The following RASA3 variants were observed in gnomAD, a reference collection of about 807,000 sequenced individuals.
The protein encoded by RASA3 is RAS p21 protein activator 3.
A neutral mutation model predicts 110.0 loss-of-function variants in RASA3; 73 were observed. The ratio of observed to expected loss-of-function variants is 0.66; its 90% CI spans 0.55 to 0.81. The LOEUF is 0.81. Among genes scored for constraint, RASA3 ranks in the 30% least tolerant of loss-of-function variants. The pLI, the probability that RASA3 is intolerant of heterozygous loss-of-function variation, is 0.00. For missense variants in RASA3, 976 were observed against 1,113.2 expected (o/e 0.88, Z 1.75); for synonymous variants, 500 against 451.4 (o/e 1.11, Z -1.37).
intron 1 of RASA3, among the ~76,000 whole-genome samples, chr13:114,081,231 C>T (rs1419722445): frequency 2.0e-5 from 3 of 152,230 alleles, no homozygotes; most frequent in African/African-American, 7.2e-5. Flanking sequence ...GATGCTGCCA[C>T]GTCACTCCAG....
intron 4 of RASA3, 108 bp from the exon 5 acceptor site, chr13:114,029,995 G>A (rs1028970167): frequency 2.5e-5 from 26 of 1,022,450 alleles, no homozygotes; most frequent in Middle Eastern, 3.0e-4. Flanking sequence ...AGGCGGCCCC[G>A]CCCTGCCCTG....
intron 4 of RASA3, among the ~76,000 whole-genome samples, chr13:114,032,011 C>T (rs1242598761): frequency 6.6e-6 from 1 of 152,168 alleles, no homozygotes; most frequent in African/African-American, 2.4e-5. Context: ...TATCAGACAC[C>T]TAGCCAGCCT....
intron 10 of RASA3, 68 bp downstream of exon 10, chr13:114,018,695 T>G (rs1293820456): frequency 6.4e-7 from 1 of 1,572,538 alleles, no homozygotes; most frequent in Non-Finnish European, 8.7e-7. Context: ...TGGGCCCGGG[T>G]GTAGGGTGGG....
At chr13:114,089,641 C>T (rs993030822) in intron 1 of RASA3, among the ~76,000 whole-genome samples, 9 of 152,218 alleles carry the variant, frequency 5.9e-5, no homozygotes, top group East Asian at 5.8e-4. Context: ...GCACGGCCGC[C>T]CCACAGCCTG....
intron 1 of RASA3, among the ~76,000 whole-genome samples, chr13:114,113,441 G>A (rs955384624): frequency 2.6e-4 from 40 of 152,182 alleles, no homozygotes; most frequent in African/African-American, 8.7e-4. Context: ...TGCTTCTGAC[G>A]AATTTCTTAA....
intron 4 of RASA3, among the ~76,000 whole-genome samples, chr13:114,030,906 T>G (rs1196411639): frequency 2.6e-5 from 4 of 151,668 alleles, no homozygotes; most frequent in Non-Finnish European, 4.4e-5. Flanking sequence ...TGTGTCTATG[T>G]GTGTCTGCCT....
chr13:113,991,878 C>T (rs926801395), intron 22 of RASA3, among the ~76,000 whole-genome samples: 2 of 152,170 alleles, frequency 1.3e-5, no homozygotes, highest in African/African-American at 4.8e-5. Context: ...GCTCACGTGT[C>T]CCCACACACA....
At chr13:114,130,511 C>T (rs913113964) in intron 1 of RASA3, among the ~76,000 whole-genome samples, 2 of 152,192 alleles carry the variant, frequency 1.3e-5, no homozygotes, top group Admixed American at 6.5e-5. Context: ...TCCTTCTCTC[C>T]GAGGGATCCT....
chr13:114,002,149 T>G, intron 18 of RASA3, among the ~76,000 whole-genome samples: 1 of 151,738 alleles, frequency 6.6e-6, no homozygotes, highest in African/African-American at 2.4e-5. Flanking sequence ...AGGTGGAAGC[T>G]GAGGACGAGA....
chr13:114,108,534 T>G (rs1352485862), intron 1 of RASA3: 7 of 138,640 alleles, frequency 5.0e-5, no homozygotes, highest in Non-Finnish European at 1.1e-4. Flanking sequence ...TCACCCCACG[T>G]CCATCACCCC....
intron 3 of RASA3, among the ~76,000 whole-genome samples, chr13:114,050,526 C>G (rs911670547): frequency 6.6e-6 from 1 of 152,236 alleles, no homozygotes; most frequent in African/African-American, 2.4e-5. Flanking sequence ...GTCCGGGTCC[C>G]GACCCCTGCA....
intron 1 of RASA3, among the ~76,000 whole-genome samples, chr13:114,079,426 A>G (rs1045086923): frequency 3.9e-5 from 6 of 152,190 alleles, no homozygotes; most frequent in Admixed American, 3.9e-4. Context: ...AAGGCTCCCA[A>G]CCTCAGCCTT....
At chr13:114,123,290 C>G (rs1397020263) in intron 1 of RASA3, among the ~76,000 whole-genome samples, 1 of 152,218 alleles carries the variant, frequency 6.6e-6, no homozygotes, top group African/African-American at 2.4e-5. Context: ...GGCAAACTAG[C>G]TGCTCCAGCA....
At chr13:114,132,098 C>T (rs898411818) in intron 1 of RASA3, among the ~76,000 whole-genome samples, 9 of 152,372 alleles carry the variant, frequency 5.9e-5, no homozygotes, top group South Asian at 2.1e-4. Context: ...CCTGCAAACA[C>T]GCGGGGCACA....
At chr13:114,070,794 C>G (rs2079558195) in intron 2 of RASA3, among the ~76,000 whole-genome samples, 1 of 133,414 alleles carries the variant, frequency 7.5e-6, no homozygotes, top group Non-Finnish European at 1.6e-5. Context: ...GGCGTCCACG[C>G]TAAACGGCGC....
intron 3 of RASA3, among the ~76,000 whole-genome samples, chr13:114,044,673 T>G (rs746148067): frequency 2.0e-5 from 3 of 147,840 alleles, no homozygotes; most frequent in Non-Finnish European, 4.5e-5. Flanking sequence ...GAACCTCAGT[T>G]TTGAGTCTCA....
intron 20 of RASA3, 104 bp from the exon 21 acceptor site, chr13:113,996,843 G>A (rs979706264): frequency 3.0e-6 from 3 of 1,003,308 alleles, no homozygotes; most frequent in Non-Finnish European, 4.6e-6. Context: ...GTCGTAAGAG[G>A]GGACGCTGAG....
intron 2 of RASA3, among the ~76,000 whole-genome samples, chr13:114,068,936 T>C (rs1054513297): frequency 6.6e-6 from 1 of 152,086 alleles, no homozygotes; most frequent in Non-Finnish European, 1.5e-5. Context: ...CCCTTCAACC[T>C]CCACCTTGAA....
intron 23 of RASA3, among the ~76,000 whole-genome samples, chr13:113,980,128 T>C (rs34892393): frequency 0.3 from 40,895 of 135,788 alleles, 6,483 homozygotes; most frequent in Non-Finnish European, 0.37. Context: ...GCACCTCCTC[T>C]GTGTGTACCT....
Sources: allele counts gnomAD v4.1 joint callset (sites outside exome capture counted in the v4.1 genomes callset), GRCh38; gene constraint gnomAD v4.1.1; transcripts MANE v1.5; gene names NCBI Gene and HGNC (gene_info 2026-07-23, HGNC 2026-07-21).